CYYR1: variants seen among roughly 807,000 people sequenced by gnomAD.
CYYR1 encodes the protein cysteine and tyrosine-rich protein 1.
In CYYR1, 14 loss-of-function variants were observed where a neutral mutation model predicts 15.2. The observed-to-expected ratio is 0.92, with a 90% CI of 0.61 to 1.44. The LOEUF (loss-of-function observed/expected upper bound fraction) is 1.44, where lower values mean the gene tolerates loss of function less well. Among genes scored for constraint, CYYR1 ranks in the 40% most tolerant of loss-of-function variants. The pLI, the probability that CYYR1 is intolerant of heterozygous loss-of-function variation, is 0.00. For missense variants in CYYR1, 228 were observed against 209.5 expected, an observed-to-expected ratio of 1.09 and a Z score of -0.54; for synonymous variants, 80 against 77.4, an observed-to-expected ratio of 1.03 and a Z score of -0.18.
chr21:26,526,531 T>C (rs2065868615), intron 2 of CYYR1, among the ~76,000 whole-genome samples: 1 of 152,154 alleles, frequency 6.6e-6, no homozygotes. Context: ...ACTTGTAAAA[T>C]AGAAGCTATT....
At chr21:26,549,417 CT>C (rs1350190081) in intron 2 of CYYR1, among the ~76,000 whole-genome samples, 1 of 152,186 alleles carries the variant, frequency 6.6e-6, no homozygotes, top group Non-Finnish European at 1.5e-5. Flanking sequence ...ACTCTTTTCC[CT>C]TTCCAAATTC....
chr21:26,499,031 T>C (rs1254476388), intron 2 of CYYR1, among the ~76,000 whole-genome samples: 2 of 152,072 alleles, frequency 1.3e-5, no homozygotes, highest in African/African-American at 4.8e-5. Context: ...ATGATATTCG[T>C]AGAATGAAAA....
In CYYR1 at chr21:26,472,535, T is replaced by G. The variant is rs185706993; in HGVS notation, c.335-3901A>C. On this transcript the variant is annotated intron_variant, in intron 3 of 3. Coordinates refer to ENST00000652641, the MANE Select transcript of CYYR1 (RefSeq NM_001320768.2). ...CTTTGTTTTACTTGATCATTTCTTT[T>G]GATAACAGCTAGGTTTGACACTGTT... Among the ~76,000 whole-genome samples, 73 of 152,278 alleles carry G rather than the reference T, an allele frequency of 4.8e-4. 1 individual carries two copies. Among genetic ancestry groups the G allele is most frequent in the Admixed American group, 3.9e-3 (60 of 15,284 alleles).
At position 26,478,055 on chromosome 21, in the gene CYYR1, T is replaced by C. The variant is rs533215798; in HGVS notation, c.334+2217A>G. The C allele has an allele frequency of 6.5e-6, 10 of 1,548,650 alleles. No homozygotes were observed. In the South Asian group the frequency reaches 9.6e-5, roughly 15 times the overall value. ...CATTCATTCAGCTGAGTGCCCATTA[T>C]GTACCAGGCCTGGTCTTACATGCTT... On this transcript the variant is annotated intron_variant, in intron 3 of 3. Coordinates refer to ENST00000652641, the MANE Select transcript of CYYR1 (RefSeq NM_001320768.2).
intron 2 of CYYR1, among the ~76,000 whole-genome samples, chr21:26,531,332 T>C (rs771697367): frequency 2.8e-4 from 43 of 152,124 alleles, no homozygotes; most frequent in Non-Finnish European, 5.1e-4. Flanking sequence ...AAAAATAATG[T>C]CTATGTCATG....
intron 3 of CYYR1, among the ~76,000 whole-genome samples, chr21:26,476,456 CTCTT>C (rs1360095852): frequency 6.6e-6 from 1 of 152,112 alleles, no homozygotes. Flanking sequence ...TTTTGGCTAA[CTCTT>C]TCTGTATGAT....
At chr21:26,482,937 G>A (rs922903125) in intron 2 of CYYR1, among the ~76,000 whole-genome samples, 2 of 151,506 alleles carry the variant, frequency 1.3e-5, no homozygotes, top group Admixed American at 6.6e-5. Flanking sequence ...CTTTATGTTC[G>A]GAGACTCACG....
chr21:26,486,055 TC>T lies in CYYR1; in HGVS notation c.177-5627del, dbSNP rs542687844. Among the ~76,000 whole-genome samples the T allele has an allele frequency of 1.5e-3, 223 of 152,238 alleles. 3 individuals are homozygous for T. The highest frequency in any genetic ancestry group is 2.8e-3 in the Admixed American group (43 of 15,280). ...ATGGCTAGCAAGGTTGAACATGTTT[TC>T]GAAAGCTTATTTGCCATTCATCTTC... On this transcript the variant is annotated intron_variant, in intron 2 of 3. Transcript: ENST00000652641.
At chr21:26,558,976 A>G (rs904544029) in intron 2 of CYYR1, among the ~76,000 whole-genome samples, 1 of 152,136 alleles carries the variant, frequency 6.6e-6, no homozygotes, top group Non-Finnish European at 1.5e-5. Context: ...TTTCCTAGGG[A>G]ATATATCTTG....
intron 2 of CYYR1, among the ~76,000 whole-genome samples, chr21:26,563,904 A>G (rs1394667370): frequency 6.6e-6 from 1 of 152,180 alleles, no homozygotes; most frequent in Non-Finnish European, 1.5e-5. Flanking sequence ...ACAAACAAAA[A>G]CATAAACCAA....
intron 3 of CYYR1, among the ~76,000 whole-genome samples, chr21:26,475,603 A>C (rs1569137991): frequency 6.6e-6 from 1 of 152,152 alleles, no homozygotes; most frequent in African/African-American, 2.4e-5. Flanking sequence ...TCAATAAGAA[A>C]AACAACAACA....
intron 2 of CYYR1, among the ~76,000 whole-genome samples, chr21:26,518,939 G>T (rs1047401012): frequency 1.3e-5 from 2 of 152,110 alleles, no homozygotes; most frequent in East Asian, 3.9e-4. Flanking sequence ...ATAGCTTTGG[G>T]TAAACCATCC....
At chr21:26,550,792 C>G (rs896623407) in intron 2 of CYYR1, 4 of 152,158 alleles carry the variant, frequency 2.6e-5, no homozygotes, top group African/African-American at 7.2e-5. Flanking sequence ...ACATACAACG[C>G]GAAGCAACAA....
chr21:26,509,253 C>T (rs376871709), intron 2 of CYYR1, among the ~76,000 whole-genome samples: 60 of 152,208 alleles, frequency 3.9e-4, no homozygotes, highest in African/African-American at 1.3e-3. Flanking sequence ...ATCAAATGCT[C>T]GACAATTCCC....
intron 2 of CYYR1, among the ~76,000 whole-genome samples, chr21:26,565,460 G>C (rs1348221637): frequency 6.6e-6 from 1 of 152,176 alleles, no homozygotes; most frequent in Non-Finnish European, 1.5e-5. Flanking sequence ...CTCTCTGAAA[G>C]CCATGGGGAT....
chr21:26,480,199 G>A, intron 3 of CYYR1, 73 bp downstream of exon 3: 1 of 1,430,738 alleles, frequency 7.0e-7, no homozygotes, highest in East Asian at 2.4e-5. Flanking sequence ...CATCTAGAAT[G>A]TTTCCTTCTC....
chr21:26,542,513 C>G (rs978632796), intron 2 of CYYR1, among the ~76,000 whole-genome samples: 1 of 151,836 alleles, frequency 6.6e-6, no homozygotes, highest in South Asian at 2.1e-4. Flanking sequence ...TTCCTCAATC[C>G]GATAAAAAGA....
intron 2 of CYYR1, chr21:26,564,829 G>A (rs1170004330): frequency 8.1e-7 from 1 of 1,235,160 alleles, no homozygotes; most frequent in African/African-American, 1.5e-5. Context: ...GCAGCATCTG[G>A]TATGTGGAGA....
chr21:26,491,091 A>T (rs2065321274), intron 2 of CYYR1, among the ~76,000 whole-genome samples: 1 of 152,186 alleles, frequency 6.6e-6, no homozygotes, highest in South Asian at 2.1e-4. Context: ...GAAAAATATG[A>T]AACATGGAAT....
Sources: allele counts gnomAD v4.1 joint callset (sites outside exome capture counted in the v4.1 genomes callset), GRCh38; gene constraint gnomAD v4.1.1; transcripts MANE v1.5; gene names NCBI Gene and HGNC (gene_info 2026-07-23, HGNC 2026-07-21).